Variants in MAP2K5 observed in about 807,000 individuals in gnomAD.
The protein encoded by MAP2K5 is dual specificity mitogen-activated protein kinase kinase 5.
In MAP2K5, 49 loss-of-function variants were observed where a neutral mutation model predicts 83.1. That is an observed-to-expected ratio of 0.59 (90% CI 0.47 to 0.75). The LOEUF (loss-of-function observed/expected upper bound fraction) is 0.75. Among genes scored for constraint, MAP2K5 ranks in the 30% least tolerant of loss-of-function variants. The pLI, the probability that MAP2K5 is intolerant of heterozygous loss-of-function variation, is 0.00. For synonymous variants in MAP2K5, 202 were observed against 191.8 expected (o/e 1.05, Z -0.44); for missense variants, 457 against 557.5 (o/e 0.82, Z 1.82).
At chr15:67,680,315 A>G (rs995559622) in intron 13 of MAP2K5, among the ~76,000 whole-genome samples, 1 of 152,062 alleles carries the variant, frequency 6.6e-6, no homozygotes, top group African/African-American at 2.4e-5. Flanking sequence ...CTGTATTTTC[A>G]TTTCTCTTGA....
At chr15:67,653,863 A>G (rs1322912949) in intron 11 of MAP2K5, among the ~76,000 whole-genome samples, 1 of 151,908 alleles carries the variant, frequency 6.6e-6, no homozygotes, top group African/African-American at 2.4e-5. Flanking sequence ...AAGTTTTGGT[A>G]TGTTGTGTTT....
intron 7 of MAP2K5, among the ~76,000 whole-genome samples, chr15:67,599,030 C>G (rs1389831222): frequency 6.6e-6 from 1 of 152,218 alleles, no homozygotes; most frequent in Non-Finnish European, 1.5e-5. Flanking sequence ...ACGTTTCCTT[C>G]ATTGATCAAA....
rs898855431 is a variant in MAP2K5 at position 67,665,208 on chromosome 15, G to A, written c.847+563G>A. Among the ~76,000 whole-genome samples the A allele has an allele frequency of 6.6e-6, 1 of 152,146 alleles. No homozygotes were observed. The highest frequency in any genetic ancestry group is 1.9e-4 in the East Asian group (1 of 5,200). On this transcript the variant is annotated intron_variant, in intron 13 of 21. Coordinates refer to ENST00000178640, the MANE Select transcript of MAP2K5 (RefSeq NM_145160.3). The surrounding 1 kb of genome is among the most constrained non-coding windows in gnomAD (Gnocchi z 4.2). ...AAGTAAAACTTTAAATAAGTTATTG[G>A]TGAAAGCATCAGGAATAGTCCCCTT...
rs546844466 is a variant in MAP2K5 at position 67,802,777 on chromosome 15, C to T, written c.1243-3869C>T. Among the ~76,000 whole-genome samples, 14 of 152,348 alleles carry T rather than the reference C, an allele frequency of 9.2e-5. No homozygotes were observed. The South Asian group carries it at 2.9e-3, about 32-fold the overall frequency. ...GGTGCCTGGGTTCCAGGGAGCTGCA[C>T]CATGCCGCGCTTCCATTGTTCCTTA... is the stretch of plus-strand genomic sequence containing the variant. On this transcript the variant is annotated intron_variant, in intron 21 of 21. Transcript: ENST00000178640. This position sits in a 1 kb window ranked among gnomAD's most constrained non-coding sequence, Gnocchi z 5.0.
chr15:67,684,195 T>C (rs903109670), intron 13 of MAP2K5, among the ~76,000 whole-genome samples: 4 of 152,184 alleles, frequency 2.6e-5, no homozygotes, highest in Non-Finnish European at 5.9e-5. Flanking sequence ...GACAACCAAC[T>C]ACTGTTTAGA....
chr15:67,762,484 C>T (rs2089966084), intron 19 of MAP2K5, among the ~76,000 whole-genome samples: 1 of 146,616 alleles, frequency 6.8e-6, no homozygotes, highest in South Asian at 2.2e-4. Context: ...CACCTATTTT[C>T]AAGAAATGTA....
Position 67,693,690 on chromosome 15 carries a change from C to CAG in MAP2K5, c.972+123_972+124insGA, listed in dbSNP as rs1200276830. ...CCTAGCAGATCATAAATTGCAAAGT[C>CAG]AATCTAGTCATGATCTGATTTTTAA... On this transcript the variant is annotated intron_variant, in intron 15 of 21. Transcript: ENST00000178640. 8 of 693,494 alleles carry CAG rather than the reference C, an allele frequency of 1.2e-5. No homozygotes were observed. In the African/African-American group the frequency reaches 1.4e-4, roughly 13 times the overall value. 43.0% of individuals were successfully genotyped at this position (693,494 alleles called of 1,614,324 possible).
chr15:67,596,837 C>T (rs1417694555), intron 7 of MAP2K5, among the ~76,000 whole-genome samples: 1 of 152,138 alleles, frequency 6.6e-6, no homozygotes, highest in Non-Finnish European at 1.5e-5. Flanking sequence ...CTTTTATTTA[C>T]TTTTTTAGTC....
rs550453695 is a variant in MAP2K5, at chr15:67,711,686, CACACACAA to C, written c.1044+8280_1044+8287del. Among the ~76,000 whole-genome samples, 33 of 85,928 alleles carry C rather than the reference CACACACAA, an allele frequency of 3.8e-4. No homozygotes were observed. The East Asian group carries it at 7.3e-3, about 19-fold the overall frequency. The allele number at this position is 85,928 out of a possible 152,430, so 56.4% of individuals were successfully genotyped here. A position where few individuals can be genotyped will look rare whatever the true frequency, so the allele number is the denominator to read the frequency against. ...AGGCGTGCACGCACACACACACACA[CACACACAA>C]AAGGATAATACCATAAAGAGAAAGG... On this transcript the variant is annotated intron_variant, in intron 16 of 21. Transcript: ENST00000178640.
chr15:67,620,160 C>T (rs938597299), intron 8 of MAP2K5, among the ~76,000 whole-genome samples: 10 of 152,288 alleles, frequency 6.6e-5, no homozygotes, highest in Middle Eastern at 3.4e-3. Flanking sequence ...CACCTGAGGT[C>T]AGGAGTTCGA....
At chr15:67,607,188 A>C (rs1423775943) in intron 8 of MAP2K5, among the ~76,000 whole-genome samples, 1 of 152,234 alleles carries the variant, frequency 6.6e-6, no homozygotes, top group Non-Finnish European at 1.5e-5. Flanking sequence ...TCATATTTTA[A>C]AGAAGCAAAC....
chr15:67,643,533 G>A (rs2086764171), intron 9 of MAP2K5, among the ~76,000 whole-genome samples: 1 of 152,118 alleles, frequency 6.6e-6, no homozygotes, highest in East Asian at 1.9e-4. Flanking sequence ...TGGAAGCTCC[G>A]CCTCCTGGGT....
intron 19 of MAP2K5, among the ~76,000 whole-genome samples, chr15:67,762,494 A>G (rs1480835082): frequency 6.6e-6 from 1 of 152,108 alleles, no homozygotes; most frequent in Non-Finnish European, 1.5e-5. Context: ...CAAGAAATGT[A>G]ATAAAACACC....
intron 5 of MAP2K5, 57 bp from the exon 6 acceptor site, chr15:67,586,789 A>G (rs1201788523): frequency 2.7e-6 from 4 of 1,503,738 alleles, no homozygotes; most frequent in South Asian, 1.1e-5. Context: ...ATTATAGGTT[A>G]ATTAGAACTG....
At position 67,790,428 on chromosome 15, in the gene MAP2K5, A is replaced by G. The variant is rs142947378; in HGVS notation, c.1243-16218A>G. On this transcript the variant is annotated intron_variant, in intron 21 of 21. Transcript: ENST00000178640. This position sits in a 1 kb window ranked among gnomAD's most constrained non-coding sequence, Gnocchi z 4.6. ...ATCATGCAATAAAAATACCCTTTTCATATCACACACTAATAAACTGTATTT... is the reference window on the plus strand; with the variant it reads ...ATCATGCAATAAAAATACCCTTTTCGTATCACACACTAATAAACTGTATTT... 1.6e-4 allele frequency among the ~76,000 whole-genome samples: 24 copies of G among 152,322 alleles called. No individual in the cohort carries two copies. The East Asian group carries it at 4.0e-3, about 26-fold the overall frequency.
In MAP2K5 at chr15:67,750,662, T is replaced by A. The variant is rs2089698259; in HGVS notation, c.1134+2061T>A. Among the ~76,000 whole-genome samples, 1 of 152,218 alleles carries A rather than the reference T, an allele frequency of 6.6e-6. No individual in the cohort carries two copies. Among genetic ancestry groups the A allele is most frequent in the Admixed American group, 6.5e-5 (1 of 15,288 alleles). On this transcript the variant is annotated intron_variant, in intron 19 of 21. Transcript: ENST00000178640. The surrounding 1 kb of genome is among the most constrained non-coding windows in gnomAD (Gnocchi z 4.2). ...TTCTCGGGTAACTCTCTGCACATTA[T>A]AAGTTTGAAAACCACTTCTCAAACT...
chr15:67,756,873 T>A (rs2089849404), intron 19 of MAP2K5, among the ~76,000 whole-genome samples: 1 of 152,154 alleles, frequency 6.6e-6, no homozygotes, highest in African/African-American at 2.4e-5. Flanking sequence ...ATGACAGGAT[T>A]TCCTTTTTTA....
At chr15:67,627,790 C>T (rs2086361915) in intron 8 of MAP2K5, 1 of 344,358 alleles carries the variant, frequency 2.9e-6, no homozygotes, top group South Asian at 5.5e-5. Flanking sequence ...TTTTGTCAGT[C>T]CTTTCTGCTC....
chr15:67,743,303 G>A (rs1483978972), intron 17 of MAP2K5, among the ~76,000 whole-genome samples: 3 of 152,134 alleles, frequency 2.0e-5, no homozygotes, highest in African/African-American at 4.8e-5. Context: ...AAATCTTCCT[G>A]TGACTTTTTT....
Sources: gnomAD v4.1 joint callset for allele counts (sites outside exome capture counted in the v4.1 genomes callset) on GRCh38, gnomAD v4.1.1 for gene constraint, Gnocchi (gnomAD v3.1) non-coding constraint, MANE v1.5 for transcripts, NCBI Gene and HGNC (gene_info 2026-07-23, HGNC 2026-07-21) for gene names.